CDPF1: variants seen among roughly 807,000 people sequenced by gnomAD.
CDPF1 encodes cysteine-rich DPF motif domain-containing protein 1.
In CDPF1, 8 loss-of-function variants were observed where a neutral mutation model predicts 8.3. The ratio of observed to expected loss-of-function variants is 0.96; its 90% CI spans 0.57 to 1.74. The LOEUF (loss-of-function observed/expected upper bound fraction) is 1.74. CDPF1 is among the 40% of genes most tolerant of loss of function. The probability of loss-of-function intolerance (pLI) is 0.00; values close to 1 mark genes in which losing one functional copy is unlikely to be tolerated. For synonymous variants in CDPF1, 62 were observed against 62.9 expected (o/e 0.99, Z 0.07); for missense variants, 151 against 155.3 (o/e 0.97, Z 0.15).
At position 46,247,813 on chromosome 22, in the gene CDPF1, C is replaced by T. The variant is rs1569266211; in HGVS notation, c.113+359G>A. 6.6e-6 allele frequency among the ~76,000 whole-genome samples: 1 copy of T among 152,236 alleles called. No individual in the cohort carries two copies. ...AAGCTGGAGGTCAAGAGATAAGCCC[C>T]CTGACCCACTGGCTCTAATCCAGGT... On this transcript the variant is annotated intron_variant, in intron 2 of 3. Transcript: ENST00000314567. This position sits in a 1 kb window ranked among gnomAD's most constrained non-coding sequence, Gnocchi z 4.3.
Position 46,246,544 on chromosome 22 carries a change from T to C in CDPF1, c.225+566A>G. 8.5e-7 allele frequency: 1 copy of C among 1,183,364 alleles called. No individual in the cohort carries two copies. Among genetic ancestry groups the C allele is most frequent in the Non-Finnish European group, 1.2e-6 (1 of 849,482 alleles). 73.3% of individuals were successfully genotyped at this position (1,183,364 alleles called of 1,614,324 possible). On this transcript the variant is annotated intron_variant, in intron 3 of 3. Coordinates refer to ENST00000314567, the MANE Select transcript of CDPF1 (RefSeq NM_207327.5). The surrounding 1 kb of genome is among the most constrained non-coding windows in gnomAD (Gnocchi z 7.1). ...CACTCTGAGTACACTGGGCACGCTGTGAAAGCCATGCTGCTCCACTTCCAT... is the reference window on the plus strand; with the variant it reads ...CACTCTGAGTACACTGGGCACGCTGCGAAAGCCATGCTGCTCCACTTCCAT...
Position 46,245,035 on chromosome 22 carries a change from A to G in CDPF1, c.*57T>C. On this transcript the variant is annotated 3_prime_UTR_variant, in exon 4 of 4. Transcript: ENST00000314567. The surrounding 1 kb of genome is among the most constrained non-coding windows in gnomAD (Gnocchi z 6.9). ...CCCAGCTCAGCAGCATCCCTGGCGC[A>G]GGCTGGCCCAGGAGCTCTGTGCAGG... 6.3e-7 allele frequency: 1 copy of G among 1,593,728 alleles called. No homozygotes were observed. The highest frequency in any genetic ancestry group is 8.6e-7 in the Non-Finnish European group (1 of 1,168,770).
rs907812605 is a variant in CDPF1 at position 46,245,488 on chromosome 22, C to G, written c.226-250G>C. 6.6e-6 allele frequency among the ~76,000 whole-genome samples: 1 copy of G among 152,204 alleles called. No homozygotes were observed. The highest frequency in any genetic ancestry group is 1.5e-5 in the Non-Finnish European group (1 of 68,026). ...ACAGCTGGGATGGGACAGAAAGACT[C>G]TGGGGCCTGCTCTGCTCCATCACGG... On this transcript the variant is annotated intron_variant, in intron 3 of 3. Transcript: ENST00000314567. The surrounding 1 kb of genome is among the most constrained non-coding windows in gnomAD (Gnocchi z 6.9).
chr22:46,245,389 G>A lies in CDPF1; in HGVS notation c.226-151C>T. On this transcript the variant is annotated intron_variant, in intron 3 of 3. Transcript: ENST00000314567. This position sits in a 1 kb window ranked among gnomAD's most constrained non-coding sequence, Gnocchi z 6.9. ...GTGGCCAGAGCTAGACCAGCAAGAG[G>A]GAGAGCCAGGCCTGAGGGCCTGGCA... The A allele has an allele frequency of 1.3e-6, 1 of 746,670 alleles. No individual in the cohort carries two copies. The highest frequency in any genetic ancestry group is 2.1e-6 in the Non-Finnish European group (1 of 469,482). 46.3% of individuals were successfully genotyped at this position (746,670 alleles called of 1,614,324 possible).
chr22:46,249,776 G>T lies in CDPF1; in HGVS notation c.-1+480C>A, dbSNP rs981768490. Among the ~76,000 whole-genome samples the T allele has an allele frequency of 7.2e-6, 1 of 139,722 alleles. No homozygotes were observed. The highest frequency in any genetic ancestry group is 7.4e-5 in the Admixed American group (1 of 13,428). The allele number at this position is 139,722 out of a possible 152,430, so 91.7% of individuals were successfully genotyped here. A position where few individuals can be genotyped will look rare whatever the true frequency, so the allele number is the denominator to read the frequency against. On this transcript the variant is annotated intron_variant, in intron 1 of 3. Transcript: ENST00000314567. The surrounding 1 kb of genome is among the most constrained non-coding windows in gnomAD (Gnocchi z 4.6). Reference sequence around the variant, plus strand: ...TTGAGCGGGGGGTTGGGGAGCGGGGGCTGGGGGGGCGGAGGTTGCGGTGAG... The same window carrying T: ...TTGAGCGGGGGGTTGGGGAGCGGGGTCTGGGGGGGCGGAGGTTGCGGTGAG...
In CDPF1 at chr22:46,244,035, T is replaced by TTA. The variant is rs1936445527; in HGVS notation, c.*1055_*1056dup. 1 of 152,228 alleles carries TTA rather than the reference T, an allele frequency of 6.6e-6. No homozygotes were observed. The highest frequency in any genetic ancestry group is 2.1e-4 in the South Asian group (1 of 4,832). The allele number at this position is 152,228 out of a possible 1,614,324, so 9.4% of individuals were successfully genotyped here. ...CAGTGCACAAGTCAGTAAAAACTCT[T>TTA]TATTCATTCCTTCATGTGACAGTTG... On this transcript the variant is annotated 3_prime_UTR_variant, in exon 4 of 4. Coordinates refer to ENST00000314567, the MANE Select transcript of CDPF1 (RefSeq NM_207327.5). This position sits in a 1 kb window ranked among gnomAD's most constrained non-coding sequence, Gnocchi z 6.7.
rs543333060 is a variant in CDPF1, at chr22:46,245,030, G to A, written c.*62C>T. Reference sequence around the variant, plus strand: ...CGGCTCCCAGCTCAGCAGCATCCCTGGCGCAGGCTGGCCCAGGAGCTCTGT... The same window carrying A: ...CGGCTCCCAGCTCAGCAGCATCCCTAGCGCAGGCTGGCCCAGGAGCTCTGT... On this transcript the variant is annotated 3_prime_UTR_variant, in exon 4 of 4. Coordinates refer to ENST00000314567, the MANE Select transcript of CDPF1 (RefSeq NM_207327.5). This position sits in a 1 kb window ranked among gnomAD's most constrained non-coding sequence, Gnocchi z 6.9. 3.6e-5 allele frequency: 57 copies of A among 1,587,710 alleles called. 1 individual carries two copies. In the East Asian group the frequency reaches 1.2e-3, roughly 32 times the overall value.
rs1936458072 is a variant in CDPF1 at position 46,244,716 on chromosome 22, C to A, written c.*376G>T. 1 of 230,054 alleles carries A rather than the reference C, an allele frequency of 4.3e-6. No homozygotes were observed. The highest frequency in any genetic ancestry group is 8.7e-6 in the Non-Finnish European group (1 of 115,340). 14.3% of individuals were successfully genotyped at this position (230,054 alleles called of 1,614,324 possible). On this transcript the variant is annotated 3_prime_UTR_variant, in exon 4 of 4. Coordinates refer to ENST00000314567, the MANE Select transcript of CDPF1 (RefSeq NM_207327.5). The surrounding 1 kb of genome is among the most constrained non-coding windows in gnomAD (Gnocchi z 6.7). ...CACCTACAGTGCACCATGGCCCCGA[C>A]ACAGTGTGGCATCTCCCCCCACACG...
In CDPF1 at chr22:46,245,010, C is replaced by T. The variant is rs1936463734; in HGVS notation, c.*82G>A. 7 of 1,547,208 alleles carry T rather than the reference C, an allele frequency of 4.5e-6. No homozygotes were observed. Among genetic ancestry groups the T allele is most frequent in the Non-Finnish European group, 6.1e-6 (7 of 1,140,376 alleles). Reference sequence around the variant, plus strand: ...AGAAACAAGGCCAGGCATGGCGGCTCCCAGCTCAGCAGCATCCCTGGCGCA... The same window carrying T: ...AGAAACAAGGCCAGGCATGGCGGCTTCCAGCTCAGCAGCATCCCTGGCGCA... On this transcript the variant is annotated 3_prime_UTR_variant, in exon 4 of 4. Transcript: ENST00000314567. This position sits in a 1 kb window ranked among gnomAD's most constrained non-coding sequence, Gnocchi z 6.9.
rs1169173321 is a variant in CDPF1 at position 46,247,045 on chromosome 22, C to G, written c.225+65G>C. Reference sequence around the variant, plus strand: ...GCTCCCTCTCTCCCAGCCCTCCCTACCCAGGGAGAGCTCCAGGATAACCAC... The same window carrying G: ...GCTCCCTCTCTCCCAGCCCTCCCTAGCCAGGGAGAGCTCCAGGATAACCAC... On this transcript the variant is annotated intron_variant, in intron 3 of 3. Transcript: ENST00000314567. This position sits in a 1 kb window ranked among gnomAD's most constrained non-coding sequence, Gnocchi z 4.3. 3.6e-6 allele frequency: 5 copies of G among 1,406,226 alleles called. No individual in the cohort carries two copies. Among genetic ancestry groups the G allele is most frequent in the Non-Finnish European group, 5.0e-6 (5 of 1,005,634 alleles). The allele number at this position is 1,406,226 out of a possible 1,614,324, so 87.1% of individuals were successfully genotyped here. A position where few individuals can be genotyped will look rare whatever the true frequency, so the allele number is the denominator to read the frequency against.
chr22:46,245,324 G>T lies in CDPF1; in HGVS notation c.226-86C>A, dbSNP rs553138886. The T allele has an allele frequency of 5.3e-6, 8 of 1,499,792 alleles. No homozygotes were observed. The African/African-American group carries it at 5.5e-5, about 10-fold the overall frequency. The allele number at this position is 1,499,792 out of a possible 1,614,324, so 92.9% of individuals were successfully genotyped here. On this transcript the variant is annotated intron_variant, in intron 3 of 3. Transcript: ENST00000314567. This position sits in a 1 kb window ranked among gnomAD's most constrained non-coding sequence, Gnocchi z 6.9. ...CAGGGGCCAGCCCTTCCCACACTTG[G>T]GGGGCTGGGCTGGGGCCCCAGCATG...
chr22:46,246,826 G>T lies in CDPF1; in HGVS notation c.225+284C>A, dbSNP rs146859193. ...AAGTAAGTCACCATCCTGGTGAGAGGGCGCACAAGGACTGTCTGCACTGTT... is the reference window on the plus strand; with the variant it reads ...AAGTAAGTCACCATCCTGGTGAGAGTGCGCACAAGGACTGTCTGCACTGTT... On this transcript the variant is annotated intron_variant, in intron 3 of 3. Coordinates refer to ENST00000314567, the MANE Select transcript of CDPF1 (RefSeq NM_207327.5). This position sits in a 1 kb window ranked among gnomAD's most constrained non-coding sequence, Gnocchi z 7.1. 2,593 of 1,560,036 alleles carry T rather than the reference G, an allele frequency of 1.7e-3. 3 individuals carry two copies. Among genetic ancestry groups the T allele is most frequent in the Middle Eastern group, 3.4e-3 (17 of 5,020 alleles).
chr22:46,248,044 T>C lies in CDPF1; in HGVS notation c.113+128A>G. The C allele has an allele frequency of 1.6e-6, 1 of 610,154 alleles. No homozygotes were observed. Among genetic ancestry groups the C allele is most frequent in the East Asian group, 2.8e-5 (1 of 35,580 alleles). The allele number at this position is 610,154 out of a possible 1,614,324, so 37.8% of individuals were successfully genotyped here. A position where few individuals can be genotyped will look rare whatever the true frequency, so the allele number is the denominator to read the frequency against. ...GCCTCCAGAGATTACACCAGAAGCA[T>C]TCAGAGCCTGGCCAGGGTGGGGTCT... On this transcript the variant is annotated intron_variant, in intron 2 of 3. Transcript: ENST00000314567. This position sits in a 1 kb window ranked among gnomAD's most constrained non-coding sequence, Gnocchi z 4.1.
Position 46,245,065 on chromosome 22 carries a change from C to T in CDPF1, c.*27G>A, listed in dbSNP as rs1165041167. On this transcript the variant is annotated 3_prime_UTR_variant, in exon 4 of 4. Transcript: ENST00000314567. This position sits in a 1 kb window ranked among gnomAD's most constrained non-coding sequence, Gnocchi z 6.9. ...GGCCCAGGAGCTCTGTGCAGGGTGC[C>T]GCCCGATGACCTAGCCCCAGTTGCA... 10 of 1,612,306 alleles carry T rather than the reference C, an allele frequency of 6.2e-6. No individual in the cohort carries two copies. The highest frequency in any genetic ancestry group is 3.3e-5 in the South Asian group (3 of 90,888).
Position 46,244,797 on chromosome 22 carries a change from T to G in CDPF1, c.*295A>C. 2.8e-6 allele frequency: 1 copy of G among 351,208 alleles called. No homozygotes were observed. The highest frequency in any genetic ancestry group is 5.3e-6 in the Non-Finnish European group (1 of 187,288). 21.8% of individuals were successfully genotyped at this position (351,208 alleles called of 1,614,324 possible). On this transcript the variant is annotated 3_prime_UTR_variant, in exon 4 of 4. Transcript: ENST00000314567. This position sits in a 1 kb window ranked among gnomAD's most constrained non-coding sequence, Gnocchi z 6.7. Reference sequence around the variant, plus strand: ...TGCTGAAGGAGGTCATCCCTCTCAGTCACATCTGAGCAGCACTCACTCAGG... The same window carrying G: ...TGCTGAAGGAGGTCATCCCTCTCAGGCACATCTGAGCAGCACTCACTCAGG...
In CDPF1 at chr22:46,244,741, G is replaced by A. The variant is rs7292771; in HGVS notation, c.*351C>T. On this transcript the variant is annotated 3_prime_UTR_variant, in exon 4 of 4. Transcript: ENST00000314567. The surrounding 1 kb of genome is among the most constrained non-coding windows in gnomAD (Gnocchi z 6.7). The stretch of plus-strand genomic sequence containing the variant: ...CACAGTGTGGCATCTCCCCCCACAC[G>A]CACCTGCACGCAGCCTCTTAGGAGC... 0.036 allele frequency: 8,828 copies of A among 242,652 alleles called. 810 individuals carry two copies. Among genetic ancestry groups the A allele is most frequent in the African/African-American group, 0.19 (8,324 of 44,560 alleles). The allele number at this position is 242,652 out of a possible 1,614,324, so 15.0% of individuals were successfully genotyped here.
In CDPF1 at chr22:46,246,113, G is replaced by A. The variant is rs146627592; in HGVS notation, c.226-875C>T. 2.5e-3 allele frequency among the ~76,000 whole-genome samples: 374 copies of A among 152,312 alleles called. 3 individuals carry two copies. The highest frequency in any genetic ancestry group is 8.2e-3 in the African/African-American group (341 of 41,554). ...GGTGTCTGTCTGTTCTTAAAGCTTA[G>A]TGTGCTCGCAAACATAAGGCTGCCC... On this transcript the variant is annotated intron_variant, in intron 3 of 3. Transcript: ENST00000314567. The surrounding 1 kb of genome is among the most constrained non-coding windows in gnomAD (Gnocchi z 7.1).
In CDPF1 at chr22:46,248,150, G is replaced by A. The variant is rs752949208; in HGVS notation, c.113+22C>T. On this transcript the variant is annotated intron_variant, in intron 2 of 3. Transcript: ENST00000314567. The surrounding 1 kb of genome is among the most constrained non-coding windows in gnomAD (Gnocchi z 4.1). Reference sequence around the variant, plus strand: ...ACTGGGCACAGGCCTCCCCGGCACTGGCCCAAAAGGCATGCACTCACACCA... The same window carrying A: ...ACTGGGCACAGGCCTCCCCGGCACTAGCCCAAAAGGCATGCACTCACACCA... The A allele has an allele frequency of 6.4e-7, 1 of 1,562,754 alleles. No individual in the cohort carries two copies.
chr22:46,247,882 G>A lies in CDPF1; in HGVS notation c.113+290C>T, dbSNP rs1340592664. Among the ~76,000 whole-genome samples, 1 of 152,244 alleles carries A rather than the reference G, an allele frequency of 6.6e-6. No individual in the cohort carries two copies. Among genetic ancestry groups the A allele is most frequent in the South Asian group, 2.1e-4 (1 of 4,836 alleles). On this transcript the variant is annotated intron_variant, in intron 2 of 3. Coordinates refer to ENST00000314567, the MANE Select transcript of CDPF1 (RefSeq NM_207327.5). The surrounding 1 kb of genome is among the most constrained non-coding windows in gnomAD (Gnocchi z 4.3). ...TCCCATTAAGAAAGTGTCATGGCAA[G>A]GGTGCAGCCCCAAAGGGGGAGGCCA...
Sources: allele counts gnomAD v4.1 joint callset (sites outside exome capture counted in the v4.1 genomes callset), GRCh38; gene constraint gnomAD v4.1.1; non-coding constraint Gnocchi (gnomAD v3.1); transcripts MANE v1.5; gene names NCBI Gene and HGNC (gene_info 2026-07-23, HGNC 2026-07-21).